OR2F1: variants seen among roughly 807,000 people sequenced by gnomAD.
OR2F1 encodes the protein olfactory receptor 2F1.
For synonymous variants in OR2F1, 146 were observed against 155.3 expected (o/e 0.94, Z 0.44); for missense variants, 389 against 378.2 (o/e 1.03, Z -0.24).
rs1485077131 is a variant in OR2F1, at chr7:143,961,307, G to GATAAC, written c.*383_*384insATAAC. On this transcript the variant is annotated 3_prime_UTR_variant, in exon 3 of 3. Coordinates refer to ENST00000641412, the MANE Select transcript of OR2F1 (RefSeq NM_012369.3). Reference sequence around the variant, plus strand: ...TCCACATTTTATAAAAGGTTATGGGGCTTCCATTGAAAACAAAATGCATTT... The same window carrying GATAAC: ...TCCACATTTTATAAAAGGTTATGGGGATAACCTTCCATTGAAAACAAAATGCATTT... 1 of 175,900 alleles carries GATAAC rather than the reference G, an allele frequency of 5.7e-6. No homozygotes were observed. Among genetic ancestry groups the GATAAC allele is most frequent in the Admixed American group, 5.5e-5 (1 of 18,312 alleles). The allele number at this position is 175,900 out of a possible 1,614,324, so 10.9% of individuals were successfully genotyped here.
rs375351727 is a variant in OR2F1, at chr7:143,960,687, C to T, written c.717C>T (p.His239=). The T allele has an allele frequency of 1.7e-5, 27 of 1,613,972 alleles. No individual in the cohort carries two copies. In the African/African-American group the frequency reaches 2.7e-4, roughly 16 times the overall value. ...QSREGRKKAF[H]TCASHLTVVA... ...GAGAAGGAAGAAAGAAAGCTTTCCA[C>T]ACGTGTGCCTCTCACCTCACAGTGG... The change falls in exon 3 of 3, where the codon CAC becomes CAT. Residue 239 remains histidine, a synonymous_variant. Coordinates refer to ENST00000641412, the MANE Select transcript of OR2F1 (RefSeq NM_012369.3).
Position 143,960,828 on chromosome 7 carries a change from C to A in OR2F1, c.858C>A (p.Asn286Lys). Residue 286 changes from asparagine (N) to lysine (K), a missense_variant, in exon 3 of 3, where the codon AAC becomes AAA. By Grantham distance (94) the Asn-to-Lys change is moderately conservative. Coordinates refer to ENST00000641412, the MANE Select transcript of OR2F1 (RefSeq NM_012369.3). ...ATGCCATTTTAACACCAATGCTGAACCCCATGATTTACAGCCTAAGGAATA... is the reference window on the plus strand; with the variant it reads ...ATGCCATTTTAACACCAATGCTGAAACCCATGATTTACAGCCTAAGGAATA... The part of the protein sequence containing the change: ...VFYAILTPML[N>K]PMIYSLRNKE... The A allele has an allele frequency of 6.2e-7, 1 of 1,614,138 alleles. No homozygotes were observed. Among genetic ancestry groups the A allele is most frequent in the East Asian group, 2.2e-5 (1 of 44,884 alleles).
At chr7:143,957,578 G>A (rs1479770611) in intron 1 of OR2F1, among the ~76,000 whole-genome samples, 1 of 152,130 alleles carries the variant, frequency 6.6e-6, no homozygotes, top group African/African-American at 2.4e-5. Flanking sequence ...TTCCTAAATT[G>A]AGATGCCTGT....
At position 143,960,427 on chromosome 7, in the gene OR2F1, T is replaced by G. The variant is rs375711307; in HGVS notation, c.457T>G (p.Phe153Val). ...GGCCATCACATCCTGGGTCAGTGGC[T>G]TCATCAGCTCTCCTGTGCAGACTGC... is the stretch of plus-strand genomic sequence containing the variant. ...RLAITSWVSG[F>V]ISSPVQTAIT... The change falls in exon 3 of 3, where the codon TTC (phenylalanine) becomes GTC (valine). Residue 153 changes from phenylalanine to valine, a missense_variant. Coordinates refer to ENST00000641412, the MANE Select transcript of OR2F1 (RefSeq NM_012369.3). The G allele has an allele frequency of 1.4e-5, 22 of 1,614,062 alleles. No homozygotes were observed. The highest frequency in any genetic ancestry group is 1.8e-5 in the Non-Finnish European group (21 of 1,180,052).
intron 1 of OR2F1, among the ~76,000 whole-genome samples, chr7:143,957,304 C>T (rs2116934741): frequency 6.6e-6 from 1 of 152,198 alleles, no homozygotes; most frequent in African/African-American, 2.4e-5. Flanking sequence ...GACAGAAGTC[C>T]ATGACAGAGT....
chr7:143,957,037 G>T (rs2050290833), intron 1 of OR2F1, among the ~76,000 whole-genome samples: 1 of 152,174 alleles, frequency 6.6e-6, no homozygotes, highest in Non-Finnish European at 1.5e-5. Context: ...AGATATTTAG[G>T]AAACATTCAT....
At position 143,964,324 on chromosome 7, in the gene OR2F1, TA is replaced by T. The variant is rs2050353609; in HGVS notation, c.*3405del. The T allele has an allele frequency of 6.6e-6, 1 of 152,138 alleles. No individual in the cohort carries two copies. The highest frequency in any genetic ancestry group is 1.5e-5 in the Non-Finnish European group (1 of 68,018). 9.4% of individuals were successfully genotyped at this position (152,138 alleles called of 1,614,324 possible). ...AATATTTTTCATTAGTTAATAACCA[TA>T]AAAACACCACTGAAGGTTTTCCTTA... On this transcript the variant is annotated 3_prime_UTR_variant, in exon 3 of 3. Transcript: ENST00000641412.
At position 143,960,053 on chromosome 7, in the gene OR2F1, T is replaced by C; in HGVS notation, c.83T>C (p.Phe28Ser). 1.9e-6 allele frequency: 3 copies of C among 1,614,190 alleles called. No homozygotes were observed. The highest frequency in any genetic ancestry group is 2.5e-6 in the Non-Finnish European group (3 of 1,180,026). ...GACTGGGACACTCGGGTCTCCCTGT[T>C]TGTCCTGTTCTTGGTCATGTATGTG... Reference protein sequence around the residue: ...SSDWDTRVSLFVLFLVMYVVT... With the variant: ...SSDWDTRVSLSVLFLVMYVVT... The change falls in exon 3 of 3, where the codon TTT becomes TCT. Residue 28 changes from phenylalanine (F) to serine (S), a missense_variant. Physicochemically the swap from Phe to Ser is radical, Grantham distance 155. Coordinates refer to ENST00000641412, the MANE Select transcript of OR2F1 (RefSeq NM_012369.3).
rs2050334546 is a variant in OR2F1, at chr7:143,962,179, T to C, written c.*1255T>C. The C allele has an allele frequency of 6.6e-6, 1 of 152,238 alleles. No homozygotes were observed. The highest frequency in any genetic ancestry group is 2.4e-5 in the African/African-American group (1 of 41,464). 9.4% of individuals were successfully genotyped at this position (152,238 alleles called of 1,614,324 possible). On this transcript the variant is annotated 3_prime_UTR_variant, in exon 3 of 3. Coordinates refer to ENST00000641412, the MANE Select transcript of OR2F1 (RefSeq NM_012369.3). ...GTCAGTTGATTTGCAGTTCTTACAT[T>C]TGTCAACACATCATCATAGAATCTA...
intron 1 of OR2F1, among the ~76,000 whole-genome samples, chr7:143,956,763 A>C (rs1302440206): frequency 6.6e-6 from 1 of 152,032 alleles, no homozygotes; most frequent in Admixed American, 6.6e-5. Context: ...AGTGAATGGA[A>C]GTTACATTAG....
In OR2F1 at chr7:143,955,075, G is replaced by A. The variant is rs1033713559; in HGVS notation, c.-208G>A. The A allele has an allele frequency of 2.0e-5, 3 of 152,038 alleles. No individual in the cohort carries two copies. Among genetic ancestry groups the A allele is most frequent in the Non-Finnish European group, 4.4e-5 (3 of 67,976 alleles). 9.4% of individuals were successfully genotyped at this position (152,038 alleles called of 1,614,324 possible). On this transcript the variant is annotated 5_prime_UTR_variant, in exon 1 of 3. It removes an upstream start codon present in the reference 5' UTR. Transcript: ENST00000641412. The stretch of plus-strand genomic sequence containing the variant: ...TACTGGATAAACAGAGAAGACACAT[G>A]GAGGATATTTTACCTGGGTCCAACA...
intron 1 of OR2F1, among the ~76,000 whole-genome samples, chr7:143,955,955 A>G (rs896213435): frequency 1.3e-5 from 2 of 152,214 alleles, no homozygotes; most frequent in African/African-American, 4.8e-5. Flanking sequence ...AAAGAGCTAA[A>G]TAGGACTATT....
rs1309137047 is a variant in OR2F1 at position 143,960,952 on chromosome 7, C to T, written c.*28C>T. Reference sequence around the variant, plus strand: ...CATGAGTATGACTTAGAGAAAACAGCTTTGCCTCAGTGTTCTCCACCCAGC... The same window carrying T: ...CATGAGTATGACTTAGAGAAAACAGTTTTGCCTCAGTGTTCTCCACCCAGC... On this transcript the variant is annotated 3_prime_UTR_variant, in exon 3 of 3. Transcript: ENST00000641412. The T allele has an allele frequency of 6.5e-7, 1 of 1,541,818 alleles. No homozygotes were observed. The highest frequency in any genetic ancestry group is 8.8e-7 in the Non-Finnish European group (1 of 1,133,420).
Position 143,960,860 on chromosome 7 carries a change from T to A in OR2F1, c.890T>A (p.Val297Glu). The A allele has an allele frequency of 1.9e-6, 3 of 1,613,592 alleles. No homozygotes were observed. Among genetic ancestry groups the A allele is most frequent in the Non-Finnish European group, 2.5e-6 (3 of 1,179,894 alleles). ...ATTTACAGCCTAAGGAATAAAGAGG[T>A]GAAGGGGGCCTGGCAGAAACTATTA... is the stretch of plus-strand genomic sequence containing the variant. ...PMIYSLRNKE[V>E]KGAWQKLLWK... is the part of the protein sequence containing the mutation. Residue 297 changes from valine (V) to glutamate (E), a missense_variant, in exon 3 of 3, where the codon GTG (valine) becomes GAG (glutamate). By Grantham distance (121) the Val-to-Glu change is moderately radical. Transcript: ENST00000641412.
rs963543261 is a variant in OR2F1, at chr7:143,962,439, A to G, written c.*1515A>G. ...ATATGATACCATCATAACAAGGATA[A>G]TCTCACATAGTAGGGAGGACAGATG... On this transcript the variant is annotated 3_prime_UTR_variant, in exon 3 of 3. Transcript: ENST00000641412. 1 of 152,266 alleles carries G rather than the reference A, an allele frequency of 6.6e-6. No homozygotes were observed. Among genetic ancestry groups the G allele is most frequent in the Admixed American group, 6.5e-5 (1 of 15,276 alleles). The allele number at this position is 152,266 out of a possible 1,614,324, so 9.4% of individuals were successfully genotyped here. A position where few individuals can be genotyped will look rare whatever the true frequency, so the allele number is the denominator to read the frequency against.
At position 143,961,221 on chromosome 7, in the gene OR2F1, A is replaced by G; in HGVS notation, c.*297A>G. 1 of 324,460 alleles carries G rather than the reference A, an allele frequency of 3.1e-6. No individual in the cohort carries two copies. Among genetic ancestry groups the G allele is most frequent in the Admixed American group, 4.5e-5 (1 of 22,206 alleles). 20.1% of individuals were successfully genotyped at this position (324,460 alleles called of 1,614,324 possible). On this transcript the variant is annotated 3_prime_UTR_variant, in exon 3 of 3. Coordinates refer to ENST00000641412, the MANE Select transcript of OR2F1 (RefSeq NM_012369.3). The stretch of plus-strand genomic sequence containing the variant: ...TTACTACTTACTGTTTTGATTTGTC[A>G]TATCGTTTGTAATGATAGACCTACT...
chr7:143,955,370 A>G (rs1263669637), intron 1 of OR2F1, among the ~76,000 whole-genome samples: 1 of 152,160 alleles, frequency 6.6e-6, no homozygotes, highest in Admixed American at 6.5e-5. Context: ...GTAAAGGATC[A>G]GTGTAAGCTG....
intron 1 of OR2F1, among the ~76,000 whole-genome samples, chr7:143,956,950 A>G (rs2050290224): frequency 6.6e-6 from 1 of 152,100 alleles, no homozygotes; most frequent in African/African-American, 2.4e-5. Flanking sequence ...AGAGTAGGAG[A>G]AATCTAATTC....
rs2116939431 is a variant in OR2F1 at position 143,961,798 on chromosome 7, GA to G, written c.*879del. 2 of 152,236 alleles carry G rather than the reference GA, an allele frequency of 1.3e-5. No homozygotes were observed. Among genetic ancestry groups the G allele is most frequent in the East Asian group, 3.9e-4 (2 of 5,186 alleles). 9.4% of individuals were successfully genotyped at this position (152,236 alleles called of 1,614,324 possible). On this transcript the variant is annotated 3_prime_UTR_variant, in exon 3 of 3. Transcript: ENST00000641412. ...ATGTCAAAGACATAGTTAATTTAAG[GA>G]AAAACTCTTCAGCCAAAGTCAATGA...
Sources: gnomAD v4.1 joint callset for allele counts (sites outside exome capture counted in the v4.1 genomes callset) on GRCh38, gnomAD v4.1.1 for gene constraint, MANE v1.5 for transcripts, NCBI Gene and HGNC (gene_info 2026-07-23, HGNC 2026-07-21) for gene names.